The following TRMT2B variants were observed in gnomAD, a reference collection of about 807,000 sequenced individuals.
The protein encoded by TRMT2B is tRNA methyltransferase 2B.
Under a neutral mutation model 39.7 loss-of-function variants are expected in TRMT2B, and 34 were observed. The ratio of observed to expected loss-of-function variants is 0.86; its 90% CI spans 0.65 to 1.14. The LOEUF is 1.14. TRMT2B is among the 50% of genes most tolerant of loss of function. The pLI is 0.00. For synonymous variants in TRMT2B, 132 were observed against 137.3 expected (o/e 0.96, Z 0.27); for missense variants, 318 against 377.2 (o/e 0.84, Z 1.30).
At chrX:100,974,302 CCT>C in the TRMT2B span, 4 of 603,522 alleles carry the variant, frequency 6.6e-6, no homozygotes, top group East Asian at 1.5e-4. Flanking sequence ...CCTCAATTTC[CCT>C]CTTTTTGTGC....
At chrX:101,011,365 G>A (rs1052307220) in intron 13 of TRMT2B, among the ~76,000 whole-genome samples, 7 of 111,682 alleles carry the variant, frequency 6.3e-5, no homozygotes, top group African/African-American at 2.3e-4. Flanking sequence ...ACATTAAAAA[G>A]TACTGTAAAA....
At chrX:100,974,462 A>C in the TRMT2B span, among the ~76,000 whole-genome samples, 20 of 110,069 alleles carry the variant, frequency 1.8e-4, no homozygotes, top group Admixed American at 5.8e-4. Flanking sequence ...CCTTTACAAG[A>C]TATCCTAATT....
the TRMT2B span, among the ~76,000 whole-genome samples, chrX:100,984,184 G>A: frequency 1.8e-5 from 2 of 108,340 alleles, no homozygotes; most frequent in Non-Finnish European, 3.8e-5. Context: ...CGTAATCTCA[G>A]CTCACTGCAA....
chrX:101,026,424 C>T (rs916294564), intron 7 of TRMT2B, among the ~76,000 whole-genome samples: 1 of 99,654 alleles, frequency 1.0e-5, no homozygotes, highest in African/African-American at 3.8e-5. Flanking sequence ...TGCAGTGAGC[C>T]GAGATCACAC....
chrX:100,980,635 T>C, the TRMT2B span, among the ~76,000 whole-genome samples: 3 of 111,476 alleles, frequency 2.7e-5, no homozygotes, highest in East Asian at 8.5e-4. Flanking sequence ...TTTACTCTTC[T>C]CTCTCCTTTC....
intron 2 of TRMT2B, among the ~76,000 whole-genome samples, chrX:101,046,000 G>T (rs1427012280): frequency 9.3e-6 from 1 of 107,388 alleles, no homozygotes; most frequent in East Asian, 2.9e-4. Flanking sequence ...ACAAAAATTA[G>T]CCGGGCATGG....
intron 7 of TRMT2B, among the ~76,000 whole-genome samples, chrX:101,024,942 A>C (rs2086990057): frequency 1.8e-5 from 2 of 109,033 alleles, no homozygotes; most frequent in East Asian, 5.8e-4. Context: ...GGCTGCAGTG[A>C]GCCGAGATCT....
chrX:100,986,738 C>T, the TRMT2B span: 1 of 783,957 alleles, frequency 1.3e-6, no homozygotes, highest in South Asian at 3.0e-5. Context: ...TCGCCTTTTG[C>T]TTCTGTTTTG....
the TRMT2B span, chrX:100,988,602 T>G: frequency 1.2e-6 from 1 of 866,764 alleles, no homozygotes; most frequent in Non-Finnish European, 1.5e-6. Flanking sequence ...TACATAGGCC[T>G]TCCCTAACAA....
At chrX:101,050,303 G>T (rs2088979000) in intron 2 of TRMT2B, among the ~76,000 whole-genome samples, 1 of 112,375 alleles carries the variant, frequency 8.9e-6, no homozygotes, top group African/African-American at 3.2e-5. Flanking sequence ...TAACTTCTGT[G>T]GTGAAATTTC....
intron 2 of TRMT2B, among the ~76,000 whole-genome samples, chrX:101,044,393 T>C (rs1489465682): frequency 1.8e-5 from 2 of 111,802 alleles, no homozygotes; most frequent in African/African-American, 3.2e-5. Flanking sequence ...ACAGATTTCA[T>C]TGAGTGTCTA....
chrX:101,015,743 A>G (rs980787418), intron 13 of TRMT2B: 2 of 300,573 alleles, frequency 6.7e-6, no homozygotes, highest in African/African-American at 5.8e-5. Context: ...ATCATGCATA[A>G]ATTAATGATT....
At chrX:101,021,851 A>G in intron 9 of TRMT2B, 117 bp downstream of exon 9, 1 of 549,475 alleles carries the variant, frequency 1.8e-6, no homozygotes, top group Non-Finnish European at 3.2e-6. Context: ...CAGCTGGTGT[A>G]CAAGGACCAG....
chrX:101,043,171 C>A (rs760465199), intron 2 of TRMT2B, among the ~76,000 whole-genome samples: 84 of 111,146 alleles, frequency 7.6e-4, no homozygotes, highest in Non-Finnish European at 1.1e-3. Context: ...GAGGCTGAGG[C>A]AGGAGAACTG....
chrX:100,991,609 C>G, the TRMT2B span, among the ~76,000 whole-genome samples: 9 of 111,471 alleles, frequency 8.1e-5, no homozygotes, highest in African/African-American at 2.9e-4. Flanking sequence ...CTCCTGACCT[C>G]GTGATCCGCC....
chrX:101,041,462 C>T, intron 3 of TRMT2B, 91 bp from the exon 4 acceptor site: 1 of 867,393 alleles, frequency 1.2e-6, no homozygotes, highest in South Asian at 2.3e-5. Flanking sequence ...ACCTAACTCT[C>T]ATGCTCTCTA....
chrX:101,038,644 A>G (rs1209719707), intron 4 of TRMT2B, among the ~76,000 whole-genome samples: 3 of 112,253 alleles, frequency 2.7e-5, no homozygotes, highest in Non-Finnish European at 5.6e-5. Flanking sequence ...GCTTTCCACA[A>G]TGGAAATGTT....
At chrX:101,045,732 A>G (rs2088617294) in intron 2 of TRMT2B, among the ~76,000 whole-genome samples, 1 of 110,591 alleles carries the variant, frequency 9.0e-6, no homozygotes, top group South Asian at 3.8e-4. Context: ...CAGTAGGTAG[A>G]GGTTGCAGTG....
intron 8 of TRMT2B, 88 bp from the exon 9 acceptor site, chrX:101,022,150 A>G: frequency 3.4e-6 from 2 of 596,149 alleles, no homozygotes; most frequent in South Asian, 5.4e-5. Flanking sequence ...GCCCTGCAGT[A>G]GTCAGATGTG....
Sources: gnomAD v4.1 joint callset for allele counts (sites outside exome capture counted in the v4.1 genomes callset) on GRCh38, gnomAD v4.1.1 for gene constraint, MANE v1.5 for transcripts, NCBI Gene and HGNC (gene_info 2026-07-23, HGNC 2026-07-21) for gene names.